The following CCDC102B variants were observed in gnomAD, a reference collection of about 807,000 sequenced individuals.
The protein encoded by CCDC102B is coiled-coil domain-containing protein 102B.
A neutral mutation model predicts 57.4 loss-of-function variants in CCDC102B; 75 were observed. That is an observed-to-expected ratio of 1.31 (90% CI 1.08 to 1.58). The LOEUF is 1.58. CCDC102B is among the 40% of genes most tolerant of loss of function. The pLI, the probability that CCDC102B is intolerant of heterozygous loss-of-function variation, is 0.00. For missense variants in CCDC102B, 636 were observed against 582.6 expected, an observed-to-expected ratio of 1.09 and a Z score of -0.94; for synonymous variants, 206 against 201.9, an observed-to-expected ratio of 1.02 and a Z score of -0.17.
chr18:69,047,372 G>T (rs559242331), intron 7 of CCDC102B, among the ~76,000 whole-genome samples: 1 of 151,982 alleles, frequency 6.6e-6, no homozygotes, highest in Non-Finnish European at 1.5e-5. Flanking sequence ...AGTAAACTAG[G>T]CATTGAAGGA....
chr18:69,009,689 A>G (rs952237897), intron 6 of CCDC102B, among the ~76,000 whole-genome samples: 29 of 151,862 alleles, frequency 1.9e-4, no homozygotes, highest in Non-Finnish European at 1.3e-4. Context: ...TGAATTCATC[A>G]TTAGTATTAC....
intron 2 of CCDC102B, among the ~76,000 whole-genome samples, chr18:68,779,695 G>C (rs1352841262): frequency 6.6e-6 from 1 of 151,906 alleles, no homozygotes; most frequent in Non-Finnish European, 1.5e-5. Context: ...GTGAGGAAAG[G>C]AAAAAATCTA....
chr18:68,799,679 T>C (rs2035774580), intron 1 of CCDC102B, among the ~76,000 whole-genome samples: 1 of 152,148 alleles, frequency 6.6e-6, no homozygotes, highest in Non-Finnish European at 1.5e-5. Flanking sequence ...TTGAACTTAG[T>C]CTTGAAAAAC....
chr18:68,951,328 G>A (rs1053705357), intron 6 of CCDC102B, among the ~76,000 whole-genome samples: 2 of 152,118 alleles, frequency 1.3e-5, no homozygotes, highest in Non-Finnish European at 2.9e-5. Flanking sequence ...TAAAATTGGA[G>A]TAGTAAGCAG....
chr18:68,890,893 A>T (rs2040051660), intron 5 of CCDC102B, among the ~76,000 whole-genome samples: 1 of 152,210 alleles, frequency 6.6e-6, no homozygotes, highest in African/African-American at 2.4e-5. Flanking sequence ...CTTTGACTAT[A>T]ATGAATAAAG....
chr18:68,772,623 T>C (rs1028878859), intron 2 of CCDC102B, among the ~76,000 whole-genome samples: 7 of 152,190 alleles, frequency 4.6e-5, no homozygotes, highest in African/African-American at 1.7e-4. Context: ...AGTTCTTTTG[T>C]TATTCCTTGA....
intron 6 of CCDC102B, among the ~76,000 whole-genome samples, chr18:69,000,245 C>A (rs2051165529): frequency 6.6e-6 from 1 of 151,968 alleles, no homozygotes; most frequent in Non-Finnish European, 1.5e-5. Context: ...CTTTATCAGA[C>A]ATTAAAAAAA....
chr18:68,922,954 CAA>C (rs2041337578), intron 6 of CCDC102B, among the ~76,000 whole-genome samples: 1 of 152,014 alleles, frequency 6.6e-6, no homozygotes, highest in South Asian at 2.1e-4. Flanking sequence ...GTGACTTGCT[CAA>C]GTCTGACATT....
intron 6 of CCDC102B, among the ~76,000 whole-genome samples, chr18:69,008,860 T>C (rs2051423654): frequency 6.6e-6 from 1 of 152,196 alleles, no homozygotes; most frequent in East Asian, 1.9e-4. Context: ...TGCTTTAACA[T>C]TTTGGACATC....
chr18:68,902,969 C>T (rs951706564), intron 6 of CCDC102B, among the ~76,000 whole-genome samples: 3 of 152,136 alleles, frequency 2.0e-5, no homozygotes, highest in Admixed American at 6.5e-5. Flanking sequence ...TCTTCAAAAA[C>T]ATTCATGAAA....
intron 4 of CCDC102B, among the ~76,000 whole-genome samples, chr18:68,847,112 G>C (rs1372268193): frequency 6.6e-6 from 1 of 151,758 alleles, no homozygotes; most frequent in Non-Finnish European, 1.5e-5. Context: ...GAAAAATAAT[G>C]GGCAAAATAA....
intron 2 of CCDC102B, among the ~76,000 whole-genome samples, chr18:68,760,887 CCTA>C (rs1442170441): frequency 6.6e-6 from 1 of 151,966 alleles, no homozygotes; most frequent in Non-Finnish European, 1.5e-5. Flanking sequence ...GTTTGCCTAA[CCTA>C]AATTTATCTT....
intron 4 of CCDC102B, among the ~76,000 whole-genome samples, chr18:68,868,140 G>A (rs2039085138): frequency 6.6e-6 from 1 of 150,810 alleles, no homozygotes; most frequent in Non-Finnish European, 1.5e-5. Flanking sequence ...CTAAAACTGA[G>A]TTAAAATACT....
At chr18:68,800,735 ATGACCAAGTTATT>A (rs1300990058) in intron 1 of CCDC102B, among the ~76,000 whole-genome samples, 2 of 152,172 alleles carry the variant, frequency 1.3e-5, no homozygotes, top group African/African-American at 2.4e-5. Context: ...AAACTATGGA[ATGACCAAGTTATT>A]ATCAAATAAA....
chr18:68,857,359 ATATT>A (rs1449192989), intron 4 of CCDC102B, among the ~76,000 whole-genome samples: 1 of 84,276 alleles, frequency 1.2e-5, no homozygotes, highest in African/African-American at 4.2e-5. Context: ...ATAAATATAT[ATATT>A]TATTTCTATA....
intron 6 of CCDC102B, among the ~76,000 whole-genome samples, chr18:69,006,847 A>G (rs1196498649): frequency 6.6e-6 from 1 of 152,222 alleles, no homozygotes; most frequent in Non-Finnish European, 1.5e-5. Context: ...AATCTTAAAG[A>G]TAAGTCCTCC....
chr18:68,746,267 A>G (rs10871631), intron 2 of CCDC102B, among the ~76,000 whole-genome samples: 41,660 of 152,040 alleles, frequency 0.27, 6,511 homozygotes, highest in East Asian at 0.53. Context: ...TACTTTAACT[A>G]TTTCTGAATG....
chr18:68,943,984 A>G (rs1012613560), intron 6 of CCDC102B, among the ~76,000 whole-genome samples: 1 of 152,182 alleles, frequency 6.6e-6, no homozygotes, highest in Admixed American at 6.6e-5. Context: ...TTAGAGTTAG[A>G]TATAGATGCT....
At chr18:68,767,424 C>G (rs183055663) in intron 2 of CCDC102B, among the ~76,000 whole-genome samples, 38 of 152,356 alleles carry the variant, frequency 2.5e-4, no homozygotes, top group Non-Finnish European at 4.6e-4. Flanking sequence ...AGAGAGCCCT[C>G]ACTAAGAAGG....
Sources: allele counts gnomAD v4.1 joint callset (sites outside exome capture counted in the v4.1 genomes callset), GRCh38; gene constraint gnomAD v4.1.1; transcripts MANE v1.5; gene names NCBI Gene and HGNC (gene_info 2026-07-23, HGNC 2026-07-21).